The following PDE1C variants were observed in gnomAD, a reference collection of about 807,000 sequenced individuals.
The protein encoded by PDE1C is dual specificity calcium/calmodulin-dependent 3',5'-cyclic nucleotide phosphodiesterase 1C.
A neutral mutation model predicts 93.1 loss-of-function variants in PDE1C; 62 were observed. The ratio of observed to expected loss-of-function variants is 0.67; its 90% CI spans 0.54 to 0.82. PDE1C has a LOEUF of 0.82. PDE1C is among the 40% of genes least tolerant of loss of function. The probability of loss-of-function intolerance (pLI) is 0.00; values close to 1 mark genes in which losing one functional copy is unlikely to be tolerated. For missense variants in PDE1C, 742 were observed against 884.6 expected (o/e 0.84, Z 2.04); for synonymous variants, 325 against 310.1 (o/e 1.05, Z -0.50).
At chr7:32,281,505 A>C (rs1811626564) in intron 1 of PDE1C, among the ~76,000 whole-genome samples, 1 of 152,186 alleles carries the variant, frequency 6.6e-6, no homozygotes, top group African/African-American at 2.4e-5. Flanking sequence ...GGATCACTTG[A>C]GCCCAGGAGT....
intron 6 of PDE1C, among the ~76,000 whole-genome samples, chr7:31,867,466 C>T (rs1379015613): frequency 6.6e-6 from 1 of 152,152 alleles, no homozygotes; most frequent in Non-Finnish European, 1.5e-5. Flanking sequence ...GTACTCATCT[C>T]AAGCACCTGA....
At chr7:32,154,902 C>T (rs1453556489) in intron 3 of PDE1C, among the ~76,000 whole-genome samples, 4 of 152,204 alleles carry the variant, frequency 2.6e-5, no homozygotes, top group African/African-American at 9.7e-5. Context: ...AGTTCTCCAG[C>T]CCAGCAGCTA....
chr7:31,751,058 T>G (rs1474369784), downstream of PDE1C: 1 of 152,102 alleles, frequency 6.6e-6, no homozygotes, highest in Non-Finnish European at 1.5e-5. Context: ...AGGAAGAAAA[T>G]TGAAATGGGT....
At chr7:32,210,015 T>G (rs1805883259) in intron 1 of PDE1C, among the ~76,000 whole-genome samples, 1 of 152,148 alleles carries the variant, frequency 6.6e-6, no homozygotes, top group Non-Finnish European at 1.5e-5. Flanking sequence ...AAAGCTGGCT[T>G]TATGTTCAGA....
At chr7:31,911,269 T>C (rs1801213833) in intron 2 of PDE1C, among the ~76,000 whole-genome samples, 1 of 152,154 alleles carries the variant, frequency 6.6e-6, no homozygotes, top group Non-Finnish European at 1.5e-5. Flanking sequence ...ATAACTAGGA[T>C]GTTTTAATAT....
chr7:31,747,623 C>CTT (rs1794033199), downstream of PDE1C, among the ~76,000 whole-genome samples: 1 of 152,138 alleles, frequency 6.6e-6, no homozygotes, highest in Non-Finnish European at 1.5e-5. Context: ...AGAACTTACA[C>CTT]TTACTTATCA....
chr7:32,129,777 A>T (rs996153119), intron 3 of PDE1C, among the ~76,000 whole-genome samples: 79 of 152,084 alleles, frequency 5.2e-4, no homozygotes, highest in African/African-American at 1.9e-3. Flanking sequence ...ACATTCAAAG[A>T]CTCCAAATTG....
intron 2 of PDE1C, among the ~76,000 whole-genome samples, chr7:31,954,167 A>G (rs1278626405): frequency 6.6e-6 from 1 of 152,222 alleles, no homozygotes; most frequent in Non-Finnish European, 1.5e-5. Context: ...AATGGGGGCT[A>G]CATTCCCAAC....
At chr7:31,990,692 C>A (rs573203852) in intron 2 of PDE1C, among the ~76,000 whole-genome samples, 31 of 152,276 alleles carry the variant, frequency 2.0e-4, no homozygotes, top group African/African-American at 6.7e-4. Context: ...AAAATTAATA[C>A]AAATTTGCTT....
chr7:31,936,445 A>C (rs961322393), intron 2 of PDE1C, among the ~76,000 whole-genome samples: 11 of 152,230 alleles, frequency 7.2e-5, no homozygotes, highest in African/African-American at 2.4e-4. Context: ...AAAAAAAAAA[A>C]AACTCTAAAA....
chr7:32,421,462 G>A (rs1475123660), intron 1 of PDE1C, among the ~76,000 whole-genome samples: 3 of 152,228 alleles, frequency 2.0e-5, no homozygotes, highest in East Asian at 1.9e-4. Flanking sequence ...AAGTCCCAAG[G>A]CATGTGCCAA....
intron 1 of PDE1C, among the ~76,000 whole-genome samples, chr7:32,362,864 T>C (rs1387049415): frequency 6.6e-6 from 1 of 152,198 alleles, no homozygotes; most frequent in Non-Finnish European, 1.5e-5. Flanking sequence ...GCAACTACAG[T>C]GTGGCTGGGT....
At chr7:31,802,424 A>G (rs944930793) in intron 16 of PDE1C, among the ~76,000 whole-genome samples, 1 of 151,672 alleles carries the variant, frequency 6.6e-6, no homozygotes, top group Non-Finnish European at 1.5e-5. Context: ...TAAACAGTAC[A>G]TTTATATTAT....
intron 3 of PDE1C, among the ~76,000 whole-genome samples, chr7:32,140,610 A>C (rs778296916): frequency 6.6e-6 from 1 of 152,102 alleles, no homozygotes; most frequent in Non-Finnish European, 1.5e-5. Context: ...CGGAAACTCT[A>C]CCTCCCATCA....
intron 1 of PDE1C, among the ~76,000 whole-genome samples, chr7:32,311,311 A>G (rs1002127435): frequency 4.6e-5 from 7 of 152,256 alleles, no homozygotes; most frequent in African/African-American, 1.7e-4. Context: ...TCACAGCCGA[A>G]TTCTACCAGA....
upstream of PDE1C, among the ~76,000 whole-genome samples, chr7:32,074,040 A>C (rs201358113): frequency 9.2e-5 from 14 of 152,350 alleles, no homozygotes; most frequent in East Asian, 2.7e-3. Context: ...ATATACATTC[A>C]TGTATGCATG....
At chr7:31,790,993 T>C (rs192997468) in intron 16 of PDE1C, among the ~76,000 whole-genome samples, 5 of 152,264 alleles carry the variant, frequency 3.3e-5, no homozygotes, top group Admixed American at 3.3e-4. Context: ...CATCATGCCT[T>C]ATAGTTAGAA....
chr7:31,867,080 T>G (rs1795391859), intron 6 of PDE1C, among the ~76,000 whole-genome samples: 1 of 152,084 alleles, frequency 6.6e-6, no homozygotes, highest in African/African-American at 2.4e-5. Context: ...CCCATAACTC[T>G]GGAGCCCCAT....
the PDE1C span, among the ~76,000 whole-genome samples, chr7:31,715,320 C>T: frequency 1.3e-5 from 2 of 152,016 alleles, no homozygotes; most frequent in Non-Finnish European, 2.9e-5. Flanking sequence ...CTCACTGCAA[C>T]CTCTGCCTCC....
Sources: allele counts gnomAD v4.1 joint callset (sites outside exome capture counted in the v4.1 genomes callset), GRCh38; gene constraint gnomAD v4.1.1; transcripts MANE v1.5; gene names NCBI Gene and HGNC (gene_info 2026-07-23, HGNC 2026-07-21).